Variants in GALNT13 observed in about 807,000 individuals in gnomAD.
GALNT13 encodes the protein polypeptide N-acetylgalactosaminyltransferase 13.
GALNT13 carries 28 observed loss-of-function variants against 64.2 expected under a neutral mutation model. The observed-to-expected ratio is 0.44, with a 90% CI of 0.32 to 0.60. The LOEUF (loss-of-function observed/expected upper bound fraction) is 0.60. Among genes scored for constraint, GALNT13 ranks in the 20% least tolerant of loss-of-function variants. The pLI is 0.05. For missense variants in GALNT13, 577 were observed against 669.8 expected, an observed-to-expected ratio of 0.86 and a Z score of 1.53; for synonymous variants, 214 against 224.6, an observed-to-expected ratio of 0.95 and a Z score of 0.42.
At chr2:154,034,528 A>G (rs1198535838) in intron 3 of GALNT13, among the ~76,000 whole-genome samples, 2 of 148,352 alleles carry the variant, frequency 1.3e-5, no homozygotes, top group Admixed American at 6.7e-5. Context: ...TAGTATAACC[A>G]TCACTTGAAT....
chr2:153,808,433 C>A, the GALNT13 span, among the ~76,000 whole-genome samples: 4 of 151,976 alleles, frequency 2.6e-5, no homozygotes, highest in African/African-American at 4.8e-5. Context: ...CTTTGAAGTA[C>A]CTGCTTGCAG....
chr2:153,347,941 T>A, the GALNT13 span, among the ~76,000 whole-genome samples: 37 of 152,200 alleles, frequency 2.4e-4, no homozygotes, highest in Non-Finnish European at 5.1e-4. Context: ...GTTTCCTTTT[T>A]GGTGACCTGG....
chr2:153,703,038 G>A, the GALNT13 span, among the ~76,000 whole-genome samples: 43 of 152,148 alleles, frequency 2.8e-4, no homozygotes, highest in Non-Finnish European at 2.6e-4. Flanking sequence ...TGGAAGCCAA[G>A]TAAGGGAGAC....
intron 3 of GALNT13, among the ~76,000 whole-genome samples, chr2:153,960,498 G>A (rs1233257664): frequency 6.6e-6 from 1 of 152,242 alleles, no homozygotes; most frequent in African/African-American, 2.4e-5. Context: ...CATAGACAGA[G>A]AGTAGCAGCC....
chr2:154,394,879 T>C (rs1367365839), intron 9 of GALNT13, among the ~76,000 whole-genome samples: 1 of 152,216 alleles, frequency 6.6e-6, no homozygotes, highest in East Asian at 1.9e-4. Context: ...CTATGGCATT[T>C]AATTTTGAAA....
chr2:153,109,679 T>G, the GALNT13 span, among the ~76,000 whole-genome samples: 1 of 152,126 alleles, frequency 6.6e-6, no homozygotes, highest in Non-Finnish European at 1.5e-5. Flanking sequence ...CCAATTTTAT[T>G]CTTCTTCTGT....
At chr2:154,265,627 A>T (rs1317843271) in intron 8 of GALNT13, among the ~76,000 whole-genome samples, 1 of 152,130 alleles carries the variant, frequency 6.6e-6, no homozygotes, top group East Asian at 1.9e-4. Context: ...TGAACCCAAG[A>T]GGGAGAGGTT....
chr2:153,789,786 A>G, the GALNT13 span, among the ~76,000 whole-genome samples: 1 of 152,186 alleles, frequency 6.6e-6, no homozygotes, highest in Admixed American at 6.5e-5. Flanking sequence ...CATAACAATT[A>G]TAGGCTGATA....
At chr2:153,332,699 A>G in the GALNT13 span, among the ~76,000 whole-genome samples, 1 of 152,104 alleles carries the variant, frequency 6.6e-6, no homozygotes, top group African/African-American at 2.4e-5. Flanking sequence ...AGATCTAGAA[A>G]TCTGCCTGGG....
chr2:153,119,098 C>T, the GALNT13 span, among the ~76,000 whole-genome samples: 1 of 152,118 alleles, frequency 6.6e-6, no homozygotes, highest in South Asian at 2.1e-4. Flanking sequence ...ATGTTTGCTT[C>T]CCCTTCTGCC....
rs2105508842 is a variant in GALNT13 at position 154,450,525 on chromosome 2, C to T, written c.1645C>T (p.Leu549=). The change falls in exon 13 of 13, where the codon CTA becomes TTA. Residue 549 remains leucine (L), a synonymous_variant. Coordinates refer to ENST00000392825, the MANE Select transcript of GALNT13 (RefSeq NM_052917.4). ...TGGAAGCAGATCCCAACAGTGGCTGCTAAGGAACATGACCTTGGGCACATG... is the reference window on the plus strand; with the variant it reads ...TGGAAGCAGATCCCAACAGTGGCTGTTAAGGAACATGACCTTGGGCACATG... The part of the protein sequence containing the change: ...CSGSRSQQWL[L]RNMTLGT 6.2e-7 allele frequency: 1 copy of T among 1,610,958 alleles called. No homozygotes were observed. The highest frequency in any genetic ancestry group is 1.1e-5 in the South Asian group (1 of 90,718).
intron 6 of GALNT13, among the ~76,000 whole-genome samples, chr2:154,243,330 T>C (rs2105872879): frequency 6.6e-6 from 1 of 152,260 alleles, no homozygotes; most frequent in Non-Finnish European, 1.5e-5. Flanking sequence ...TTGGAAGTGC[T>C]GGGAACAACA....
the GALNT13 span, among the ~76,000 whole-genome samples, chr2:153,651,169 T>C: frequency 3.3e-5 from 5 of 152,252 alleles, no homozygotes; most frequent in Admixed American, 3.3e-4. Context: ...CACAATAAAG[T>C]AACATTTGAA....
chr2:154,062,224 A>G (rs1251466375), intron 3 of GALNT13, among the ~76,000 whole-genome samples: 1 of 152,156 alleles, frequency 6.6e-6, no homozygotes, highest in Non-Finnish European at 1.5e-5. Context: ...TGTCATTCCT[A>G]TGGGTGGAAT....
chr2:154,101,757 A>G (rs1272265081), intron 3 of GALNT13, among the ~76,000 whole-genome samples: 1 of 152,002 alleles, frequency 6.6e-6, no homozygotes, highest in Non-Finnish European at 1.5e-5. Flanking sequence ...TTAATTTGAT[A>G]TCTTTCTTTT....
intron 8 of GALNT13, among the ~76,000 whole-genome samples, chr2:154,265,556 G>A (rs188781041): frequency 5.9e-4 from 90 of 152,058 alleles, no homozygotes; most frequent in Middle Eastern, 6.8e-3. Context: ...AAAATTAACC[G>A]GGTGTGGTGG....
chr2:153,107,951 T>A, the GALNT13 span, among the ~76,000 whole-genome samples: 7 of 152,164 alleles, frequency 4.6e-5, no homozygotes, highest in Non-Finnish European at 1.0e-4. Flanking sequence ...AAGAACACAC[T>A]GTCTTACCTC....
chr2:153,819,841 A>AT, the GALNT13 span, among the ~76,000 whole-genome samples: 1 of 152,216 alleles, frequency 6.6e-6, no homozygotes, highest in Admixed American at 6.5e-5. Context: ...GAATTATGTT[A>AT]TCATGAAGAA....
intron 8 of GALNT13, among the ~76,000 whole-genome samples, chr2:154,299,454 AC>A (rs1210615394): frequency 1.4e-5 from 2 of 142,788 alleles, no homozygotes; most frequent in African/African-American, 5.0e-5. Context: ...TCAATGAAAT[AC>A]TTTTTTTTTT....
Sources: allele counts gnomAD v4.1 joint callset (sites outside exome capture counted in the v4.1 genomes callset), GRCh38; gene constraint gnomAD v4.1.1; transcripts MANE v1.5; gene names NCBI Gene and HGNC (gene_info 2026-07-23, HGNC 2026-07-21).